Variants in TNRC6A observed in about 807,000 individuals in gnomAD.
TNRC6A encodes trinucleotide repeat containing adaptor 6A, also known as trinucleotide repeat-containing gene 6A protein.
A neutral mutation model predicts 221.2 loss-of-function variants in TNRC6A; 44 were observed. The observed-to-expected ratio is 0.20, with a 90% CI of 0.16 to 0.26. The LOEUF (loss-of-function observed/expected upper bound fraction) is 0.26, where lower values mean the gene tolerates loss of function less well. TNRC6A is among the 10% of genes least tolerant of loss of function. The pLI is 1.00. For missense variants in TNRC6A, 2,199 were observed against 2,404.4 expected (o/e 0.91, Z 1.79); for synonymous variants, 847 against 838.5 (o/e 1.01, Z -0.18).
chr16:24,639,021 G>A (rs1901786702), intron 1 of TNRC6A, among the ~76,000 whole-genome samples: 1 of 152,176 alleles, frequency 6.6e-6, no homozygotes, highest in Non-Finnish European at 1.5e-5. Flanking sequence ...CCTTCACTGG[G>A]GTGGAGGCAA....
chr16:24,815,387 GC>G, intron 19 of TNRC6A, 82 bp downstream of exon 19: 1 of 1,492,606 alleles, frequency 6.7e-7, no homozygotes, highest in Non-Finnish European at 9.2e-7. Context: ...TACTGATGTA[GC>G]CCAGATCGGC....
At chr16:24,613,682 C>T (rs1363369684) in intron 1 of TNRC6A, among the ~76,000 whole-genome samples, 1 of 151,146 alleles carries the variant, frequency 6.6e-6, no homozygotes, top group Non-Finnish European at 1.5e-5. Context: ...TGTCTGCCAC[C>T]ATGCCCAGCT....
chr16:24,648,205 A>G (rs802767), intron 2 of TNRC6A, among the ~76,000 whole-genome samples: 112,055 of 150,494 alleles, frequency 0.74, 42,704 homozygotes, highest in African/African-American at 0.89. Flanking sequence ...GATATATACT[A>G]AGAAGTGAAA....
At chr16:24,764,028 A>G (rs546455515) in intron 4 of TNRC6A, among the ~76,000 whole-genome samples, 12 of 152,310 alleles carry the variant, frequency 7.9e-5, no homozygotes, top group Admixed American at 2.6e-4. Flanking sequence ...ATACAATACA[A>G]TATTATTAAC....
intron 3 of TNRC6A, among the ~76,000 whole-genome samples, chr16:24,752,092 G>A (rs1434802143): frequency 1.3e-5 from 2 of 152,222 alleles, no homozygotes; most frequent in African/African-American, 4.8e-5. Context: ...TGCTGAAAAT[G>A]TTTTAGTAGA....
chr16:24,635,076 T>TTCTTTCTTTCTTTTCTTTCTTTCTTTC (rs1451001727), intron 1 of TNRC6A, among the ~76,000 whole-genome samples: 7 of 151,246 alleles, frequency 4.6e-5, no homozygotes, highest in Non-Finnish European at 7.4e-5. Context: ...TTCTTTCTTT[T>TTCTTTCTTTCTTTTCTTTCTTTCTTTC]TCTTTCTTTC....
chr16:24,680,442 C>T (rs915635217), intron 2 of TNRC6A, among the ~76,000 whole-genome samples: 3 of 151,002 alleles, frequency 2.0e-5, no homozygotes, highest in Admixed American at 6.6e-5. Context: ...AAAGGAGGCC[C>T]GGTGCGGTGG....
intron 18 of TNRC6A, among the ~76,000 whole-genome samples, chr16:24,814,464 AGT>A (rs2058615457): frequency 8.0e-6 from 1 of 125,750 alleles, no homozygotes; most frequent in South Asian, 2.3e-4. Context: ...GCTAGAGTGC[AGT>A]GGCATGATCT....
At chr16:24,780,555 A>G (rs560987811) in intron 5 of TNRC6A, among the ~76,000 whole-genome samples, 1 of 152,326 alleles carries the variant, frequency 6.6e-6, no homozygotes, top group African/African-American at 2.4e-5. Flanking sequence ...CATATAGAAC[A>G]CTATGTATTG....
At chr16:24,704,064 T>C (rs1313737616) in intron 2 of TNRC6A, among the ~76,000 whole-genome samples, 2 of 147,388 alleles carry the variant, frequency 1.4e-5, no homozygotes, top group Non-Finnish European at 3.0e-5. Context: ...GCCTGGGTGA[T>C]GGAATGAGAC....
chr16:24,756,896 G>GT lies in TNRC6A; in HGVS notation c.142-1434dup, dbSNP rs113581708. Among the ~76,000 whole-genome samples, 150 of 150,388 alleles carry GT rather than the reference G, an allele frequency of 1.0e-3. 1 individual carries two copies. Among genetic ancestry groups the GT allele is most frequent in the African/African-American group, 2.3e-3 (94 of 41,004 alleles). Reference sequence around the variant, plus strand: ...AGAGTGTTTTTTGTCTGTTTGTTTTGTTTTTTTTTAAGCCTTTCAACGTGT... The same window carrying GT: ...AGAGTGTTTTTTGTCTGTTTGTTTTGTTTTTTTTTTAAGCCTTTCAACGTGT... On this transcript the variant is annotated intron_variant, in intron 3 of 24. Transcript: ENST00000395799.
rs1455526135 is a variant in TNRC6A at position 24,816,777 on chromosome 16, T to A, written c.4832-39T>A. ...TATTTATTAATGGATTTTAAAATGA[T>A]GATTAAGCTTTGAACTAATTTTAAA... On this transcript the variant is annotated intron_variant, in intron 19 of 24. Transcript: ENST00000395799. 4.4e-6 allele frequency: 7 copies of A among 1,584,214 alleles called. No individual in the cohort carries two copies. The East Asian group carries it at 9.0e-5, about 20-fold the overall frequency.
intron 2 of TNRC6A, among the ~76,000 whole-genome samples, chr16:24,747,547 T>C (rs1373514937): frequency 6.6e-6 from 1 of 152,214 alleles, no homozygotes; most frequent in Non-Finnish European, 1.5e-5. Context: ...CTCTTGATAG[T>C]TGTGGTAAAT....
intron 3 of TNRC6A, 48 bp downstream of exon 3, chr16:24,750,861 TAAAA>T (rs34485608): frequency 2.2e-6 from 3 of 1,342,384 alleles, no homozygotes; most frequent in Non-Finnish European, 1.9e-6. Context: ...AACATAGAAT[TAAAA>T]AAAAATTACT....
At chr16:24,617,032 G>T (rs1190563713) in intron 1 of TNRC6A, among the ~76,000 whole-genome samples, 1 of 152,142 alleles carries the variant, frequency 6.6e-6, no homozygotes, top group South Asian at 2.1e-4. Flanking sequence ...GATCTTTTGT[G>T]TGTGCGCTTG....
At chr16:24,691,423 C>T (rs928127638) in intron 2 of TNRC6A, among the ~76,000 whole-genome samples, 11 of 151,942 alleles carry the variant, frequency 7.2e-5, no homozygotes, top group Admixed American at 3.9e-4. Flanking sequence ...TCATAGACAA[C>T]AATACAATGT....
chr16:24,629,111 C>G (rs1275288445), intron 1 of TNRC6A, among the ~76,000 whole-genome samples: 1 of 152,056 alleles, frequency 6.6e-6, no homozygotes, highest in Non-Finnish European at 1.5e-5. Context: ...ACTTATAAAT[C>G]TAGTATATCT....
At chr16:24,674,902 G>T (rs1282008821) in intron 2 of TNRC6A, among the ~76,000 whole-genome samples, 1 of 152,130 alleles carries the variant, frequency 6.6e-6, no homozygotes, top group Non-Finnish European at 1.5e-5. Flanking sequence ...ACTTTGGGAG[G>T]CCAAGGCAGG....
At chr16:24,687,175 G>A (rs912882087) in intron 2 of TNRC6A, among the ~76,000 whole-genome samples, 1 of 152,134 alleles carries the variant, frequency 6.6e-6, no homozygotes, top group Non-Finnish European at 1.5e-5. Context: ...AGGGAATTAG[G>A]GGATGGGCCC....
Sources: allele counts gnomAD v4.1 joint callset (sites outside exome capture counted in the v4.1 genomes callset), GRCh38; gene constraint gnomAD v4.1.1; transcripts MANE v1.5; gene names NCBI Gene and HGNC (gene_info 2026-07-23, HGNC 2026-07-21).